POU2F1: variants seen among roughly 807,000 people sequenced by gnomAD.
POU2F1 encodes POU class 2 homeobox 1, also known as POU domain, class 2, transcription factor 1.
POU2F1 carries 16 observed loss-of-function variants against 84.9 expected under a neutral mutation model. The ratio of observed to expected loss-of-function variants is 0.19; its 90% CI spans 0.13 to 0.29. The LOEUF (loss-of-function observed/expected upper bound fraction) is 0.29. Ranked by LOEUF, POU2F1 falls within the 10% of genes least tolerant of loss-of-function variation. POU2F1 has a pLI of 1.00. For synonymous variants in POU2F1, 368 were observed against 368.3 expected, an observed-to-expected ratio of 1.00 and a Z score of 0.01; for missense variants, 738 against 942.6, an observed-to-expected ratio of 0.78 and a Z score of 2.84.
At chr1:167,267,557 C>G (rs1652055322) in intron 1 of POU2F1, among the ~76,000 whole-genome samples, 1 of 145,328 alleles carries the variant, frequency 6.9e-6, no homozygotes, top group Non-Finnish European at 1.5e-5. Context: ...GGGCATTGTT[C>G]TTCATCTGAA....
At position 167,374,064 on chromosome 1, in the gene POU2F1, T is replaced by G. The variant is rs1384678827; in HGVS notation, c.403-44T>G. 3 of 1,595,058 alleles carry G rather than the reference T, an allele frequency of 1.9e-6. No individual in the cohort carries two copies. In the African/African-American group the frequency reaches 4.0e-5, roughly 21 times the overall value. On this transcript the variant is annotated intron_variant, in intron 5 of 15. Coordinates refer to ENST00000367866, the MANE Select transcript of POU2F1 (RefSeq NM_002697.4). The stretch of plus-strand genomic sequence containing the variant: ...AGCAGTTGGCTTGCATTAGGAGACT[T>G]TCTCCTTCAACACTTTCCCATAATG...
At chr1:167,371,840 C>G in intron 4 of POU2F1, 77 bp from the exon 5 acceptor site, 1 of 1,571,796 alleles carries the variant, frequency 6.4e-7, no homozygotes. Context: ...TAAATGATTC[C>G]TAAAAGATGG....
chr1:167,269,774 G>A (rs1297255492), intron 1 of POU2F1, among the ~76,000 whole-genome samples: 4 of 152,110 alleles, frequency 2.6e-5, no homozygotes, highest in African/African-American at 9.7e-5. Flanking sequence ...TTAGCCAGGT[G>A]TGGTGGCACA....
intron 1 of POU2F1, among the ~76,000 whole-genome samples, chr1:167,279,996 G>A (rs1159649431): frequency 2.6e-5 from 4 of 151,886 alleles, no homozygotes; most frequent in Non-Finnish European, 4.4e-5. Flanking sequence ...ACCTGAGGTC[G>A]GGAGTTTGAG....
intron 1 of POU2F1, among the ~76,000 whole-genome samples, chr1:167,236,578 T>A (rs1450315109): frequency 1.3e-5 from 2 of 152,218 alleles, no homozygotes; most frequent in Non-Finnish European, 2.9e-5. Context: ...TCTTTCGACG[T>A]GTGCCTGCCC....
chr1:167,389,413 A>G (rs1648220399), intron 8 of POU2F1, among the ~76,000 whole-genome samples, 175 bp from the exon 9 acceptor site: 1 of 152,206 alleles, frequency 6.6e-6, no homozygotes, highest in African/African-American at 2.4e-5. Flanking sequence ...TAATTACAGT[A>G]TACATAATTT....
At chr1:167,350,519 T>C (rs1018701220) in intron 2 of POU2F1, among the ~76,000 whole-genome samples, 2 of 152,026 alleles carry the variant, frequency 1.3e-5, no homozygotes, top group African/African-American at 2.4e-5. Context: ...AGACAGATTT[T>C]TTTTCTCTTT....
intron 7 of POU2F1, chr1:167,380,137 A>G (rs1310807525): frequency 6.6e-6 from 1 of 152,216 alleles, no homozygotes; most frequent in East Asian, 1.9e-4. Context: ...CAAAGAGCAT[A>G]GACTCTAAAG....
chr1:167,249,532 C>T (rs1456613062), intron 1 of POU2F1, among the ~76,000 whole-genome samples: 1 of 152,140 alleles, frequency 6.6e-6, no homozygotes, highest in African/African-American at 2.4e-5. Context: ...GACAGGGGAG[C>T]AAGGGAGTGG....
chr1:167,409,187 C>T (rs774203114), intron 13 of POU2F1, among the ~76,000 whole-genome samples: 85 of 152,092 alleles, frequency 5.6e-4, no homozygotes, highest in Non-Finnish European at 8.8e-4. Context: ...GGCCTTTGAT[C>T]TGTTTTAGTT....
chr1:167,373,631 T>A (rs1376849501), intron 5 of POU2F1, among the ~76,000 whole-genome samples: 1 of 152,186 alleles, frequency 6.6e-6, no homozygotes, highest in African/African-American at 2.4e-5. Context: ...GGAGCTCATA[T>A]TCTTTAGTCA....
At chr1:167,411,502 G>C (rs1181623555) in intron 13 of POU2F1, among the ~76,000 whole-genome samples, 1 of 151,882 alleles carries the variant, frequency 6.6e-6, no homozygotes, top group Non-Finnish European at 1.5e-5. Context: ...TTTATACTAT[G>C]TTGTTGTTGA....
chr1:167,376,212 C>T, intron 7 of POU2F1, 57 bp downstream of exon 7: 2 of 1,559,810 alleles, frequency 1.3e-6, no homozygotes, highest in Non-Finnish European at 8.7e-7. Flanking sequence ...CTGAATGTTA[C>T]ACATGCATGA....
intron 14 of POU2F1, 100 bp from the exon 15 acceptor site, chr1:167,412,926 C>T (rs1189512143): frequency 5.7e-6 from 5 of 881,566 alleles, no homozygotes; most frequent in Non-Finnish European, 9.2e-6. Context: ...CCACCTATTT[C>T]CCCAGCTGGA....
intron 2 of POU2F1, among the ~76,000 whole-genome samples, chr1:167,348,198 A>G (rs1215032593): frequency 2.0e-5 from 3 of 152,208 alleles, no homozygotes; most frequent in African/African-American, 7.2e-5. Flanking sequence ...AAATCTGTAC[A>G]GTTAGTATAC....
chr1:167,310,009 A>G (rs1655349758), intron 1 of POU2F1, among the ~76,000 whole-genome samples: 1 of 152,176 alleles, frequency 6.6e-6, no homozygotes. Flanking sequence ...ATGAACAAAT[A>G]ATGCCAGAAA....
chr1:167,257,617 G>C (rs607975), intron 1 of POU2F1, among the ~76,000 whole-genome samples: 1 of 151,998 alleles, frequency 6.6e-6, no homozygotes. Context: ...AATGTAAACT[G>C]TAAGTGATTG....
chr1:167,315,850 G>A (rs970369911), intron 1 of POU2F1, among the ~76,000 whole-genome samples: 1 of 151,390 alleles, frequency 6.6e-6, no homozygotes, highest in South Asian at 2.1e-4. Flanking sequence ...GCAAACTGTG[G>A]TACATCCATA....
chr1:167,306,360 T>C (rs994283204), intron 1 of POU2F1, among the ~76,000 whole-genome samples: 1 of 152,196 alleles, frequency 6.6e-6, no homozygotes, highest in African/African-American at 2.4e-5. Flanking sequence ...TTCTGGCCTG[T>C]GGATTAAAAA....
Sources: gnomAD v4.1 joint callset for allele counts (sites outside exome capture counted in the v4.1 genomes callset) on GRCh38, gnomAD v4.1.1 for gene constraint, MANE v1.5 for transcripts, NCBI Gene and HGNC (gene_info 2026-07-23, HGNC 2026-07-21) for gene names.